MTREX: variants seen among roughly 807,000 people sequenced by gnomAD.
The protein encoded by MTREX is exosome RNA helicase MTR4.
Under a neutral mutation model 135.4 loss-of-function variants are expected in MTREX, and 76 were observed. The observed-to-expected ratio is 0.56, with a 90% confidence interval of 0.47 to 0.68. The LOEUF is 0.68. Among genes scored for constraint, MTREX ranks in the 30% least tolerant of loss-of-function variants. The probability of loss-of-function intolerance (pLI) is 0.00; values close to 1 mark genes in which losing one functional copy is unlikely to be tolerated. For missense variants in MTREX, 920 were observed against 1,262.1 expected (o/e 0.73, Z 4.11); for synonymous variants, 404 against 401.6 (o/e 1.01, Z -0.07).
rs149141752 is a variant in MTREX, at chr5:55,345,619, G to A, written c.1108+423G>A. ...TGTGCATTTCATGTTTGGAGCAACT[G>A]GCTTCTTTCACTTAATGTAATGTTT... On this transcript the variant is annotated intron_variant, in intron 10 of 26. Transcript: ENST00000230640. 4.6e-5 allele frequency among the ~76,000 whole-genome samples: 7 copies of A among 150,978 alleles called. 1 individual carries two copies. Among genetic ancestry groups the A allele is most frequent in the African/African-American group, 1.7e-4 (7 of 41,106 alleles).
rs377669672 is a variant in MTREX, at chr5:55,372,856, AAAAG to A, written c.1811-5454_1811-5451del. On this transcript the variant is annotated intron_variant, in intron 16 of 26. Transcript: ENST00000230640. ...CCAAAAGCATGAACAACAGAAGAAA[AAAAG>A]AAATTGGATTTTACCAAAATTTAAA... 5.2e-3 allele frequency among the ~76,000 whole-genome samples: 787 copies of A among 151,900 alleles called. 7 individuals are homozygous for A. Among genetic ancestry groups the A allele is most frequent in the African/African-American group, 0.018 (754 of 41,410 alleles).
At chr5:55,348,714 T>C (rs1409136948) in intron 11 of MTREX, among the ~76,000 whole-genome samples, 1 of 152,238 alleles carries the variant, frequency 6.6e-6, no homozygotes, top group African/African-American at 2.4e-5. Context: ...TGAATTGTTC[T>C]GCCCATAAAT....
Position 55,400,085 on chromosome 5 carries a change from C to T in MTREX, c.2293-148C>T, listed in dbSNP as rs1169439247. 9 of 490,122 alleles carry T rather than the reference C, an allele frequency of 1.8e-5. No homozygotes were observed. In the East Asian group the frequency reaches 2.8e-4, roughly 15 times the overall value. 30.4% of individuals were successfully genotyped at this position (490,122 alleles called of 1,614,324 possible). A position where few individuals can be genotyped will look rare whatever the true frequency, so the allele number is the denominator to read the frequency against. ...AAAAATAAATGCAATGGAAAAATGC[C>T]CTATAATTTAAATTGGCAAAAGACA... On this transcript the variant is annotated intron_variant, in intron 20 of 26. Coordinates refer to ENST00000230640, the MANE Select transcript of MTREX (RefSeq NM_015360.5).
At chr5:55,334,847 A>G (rs930802900) in intron 5 of MTREX, among the ~76,000 whole-genome samples, 5 of 152,110 alleles carry the variant, frequency 3.3e-5, no homozygotes, top group Non-Finnish European at 7.4e-5. Flanking sequence ...CGTTTCTCTT[A>G]GCTAAGGTAG....
At chr5:55,362,669 A>C (rs773637754) in intron 15 of MTREX, among the ~76,000 whole-genome samples, 21 of 152,140 alleles carry the variant, frequency 1.4e-4, no homozygotes. Flanking sequence ...CCAAGACAGC[A>C]GTTCTTTTGA....
chr5:55,347,534 T>C (rs1749758279), intron 11 of MTREX, among the ~76,000 whole-genome samples: 1 of 152,248 alleles, frequency 6.6e-6, no homozygotes, highest in African/African-American at 2.4e-5. Flanking sequence ...CACTGAAGTC[T>C]AAACCAGTAA....
At chr5:55,391,284 TAAATA>T (rs939160645) in intron 19 of MTREX, among the ~76,000 whole-genome samples, 32 of 151,830 alleles carry the variant, frequency 2.1e-4, no homozygotes, top group Admixed American at 1.8e-3. Context: ...TGTACAAAAA[TAAATA>T]AATAACAATT....
At chr5:55,346,079 G>T (rs1749727820) in intron 10 of MTREX, among the ~76,000 whole-genome samples, 1 of 152,090 alleles carries the variant, frequency 6.6e-6, no homozygotes, top group Non-Finnish European at 1.5e-5. Context: ...GGACTTTTGG[G>T]TTTTTCTGGT....
intron 15 of MTREX, 124 bp from the exon 16 acceptor site, chr5:55,366,601 T>A: frequency 1.5e-6 from 1 of 650,238 alleles, no homozygotes; most frequent in East Asian, 3.2e-5. Context: ...AACTAAAGGG[T>A]AGAACTAATA....
At position 55,324,167 on chromosome 5, in the gene MTREX, C is replaced by T; in HGVS notation, c.308C>T (p.Ser103Leu). The change falls in exon 3 of 27, where the codon TCA becomes TTA. Residue 103 changes from serine (S) to leucine (L), a missense_variant. Ser to Leu is a moderately radical substitution (Grantham distance 145, BLOSUM62 -2). Transcript: ENST00000230640. Reference protein sequence around the residue: ...ADLMPRVKVQSVETVEGCTHE... With the variant: ...ADLMPRVKVQLVETVEGCTHE... ...CTGATGCCCAGAGTCAAGGTACAAT[C>T]AGTTGAAACTGTTGAAGGGTGTACA... is the stretch of plus-strand genomic sequence containing the variant. The T allele has an allele frequency of 6.2e-7, 1 of 1,611,064 alleles. No homozygotes were observed. Among genetic ancestry groups the T allele is most frequent in the Non-Finnish European group, 8.5e-7 (1 of 1,178,614 alleles).
chr5:55,371,391 C>T (rs1246802251), intron 16 of MTREX, among the ~76,000 whole-genome samples: 1 of 152,162 alleles, frequency 6.6e-6, no homozygotes, highest in Admixed American at 6.5e-5. Context: ...CTGTTATACA[C>T]TATATTATAT....
chr5:55,327,607 T>G, intron 3 of MTREX, 109 bp from the exon 4 acceptor site: 1 of 817,138 alleles, frequency 1.2e-6, no homozygotes, highest in East Asian at 2.5e-5. Context: ...AGTTCATCAC[T>G]CTAGTTCATC....
At chr5:55,356,101 G>GCCA (rs1370040016) in intron 14 of MTREX, among the ~76,000 whole-genome samples, 2 of 152,344 alleles carry the variant, frequency 1.3e-5, no homozygotes, top group Non-Finnish European at 2.9e-5. Flanking sequence ...AGCCCCCTGT[G>GCCA]CCACCTCTAC....
Position 55,405,565 on chromosome 5 carries a change from A to G in MTREX, c.2622A>G (p.Gly874=), listed in dbSNP as rs1579897878. 1 of 1,612,976 alleles carries G rather than the reference A, an allele frequency of 6.2e-7. No individual in the cohort carries two copies. Among genetic ancestry groups the G allele is most frequent in the Non-Finnish European group, 8.5e-7 (1 of 1,179,320 alleles). The stretch of plus-strand genomic sequence containing the variant: ...CTTCTGATGTAATAGAGATGAAAGG[A>G]CGAGTGGCTTGTGAGATAAGCAGGT... ...ATSSDVIEMK[G]RVACEISSAD... is the part of the protein sequence containing the mutation. The change falls in exon 22 of 27, where the codon GGA becomes GGG. Residue 874 remains glycine (G), a synonymous_variant. Transcript: ENST00000230640.
At chr5:55,365,187 A>G (rs1439113610) in intron 15 of MTREX, among the ~76,000 whole-genome samples, 1 of 152,210 alleles carries the variant, frequency 6.6e-6, no homozygotes, top group African/African-American at 2.4e-5. Context: ...ACATAATCAT[A>G]GAAGAAAAAA....
intron 13 of MTREX, among the ~76,000 whole-genome samples, chr5:55,351,355 A>G (rs553213139): frequency 6.6e-6 from 1 of 152,264 alleles, no homozygotes; most frequent in Admixed American, 6.5e-5. Context: ...CAACATGGAG[A>G]AACCCCATCT....
intron 16 of MTREX, among the ~76,000 whole-genome samples, chr5:55,369,435 G>A (rs1486215089): frequency 6.6e-6 from 1 of 152,186 alleles, no homozygotes; most frequent in African/African-American, 2.4e-5. Flanking sequence ...GTGTGTATTG[G>A]TGCACCTACC....
At chr5:55,354,250 G>A (rs1403635394) in intron 14 of MTREX, among the ~76,000 whole-genome samples, 3 of 152,150 alleles carry the variant, frequency 2.0e-5, no homozygotes, top group African/African-American at 7.2e-5. Flanking sequence ...CAGGGATATA[G>A]CATAAGAAAG....
In MTREX at chr5:55,425,195, C is replaced by G. The variant is rs749180875; in HGVS notation, c.*423C>G. 6.2e-7 allele frequency: 1 copy of G among 1,610,906 alleles called. No homozygotes were observed. Among genetic ancestry groups the G allele is most frequent in the South Asian group, 1.1e-5 (1 of 90,604 alleles). ...AAACAGGCCAGCTTCACCTGGGCAC[C>G]CTGCTGCCTTTCAAGGCTGGTGATT... On this transcript the variant is annotated 3_prime_UTR_variant, in exon 27 of 27. Coordinates refer to ENST00000230640, the MANE Select transcript of MTREX (RefSeq NM_015360.5).
Sources: gnomAD v4.1 joint callset for allele counts (sites outside exome capture counted in the v4.1 genomes callset) on GRCh38, gnomAD v4.1.1 for gene constraint, MANE v1.5 for transcripts, NCBI Gene and HGNC (gene_info 2026-07-23, HGNC 2026-07-21) for gene names.